FOXP1: variants seen among roughly 807,000 people sequenced by gnomAD.
The protein encoded by FOXP1 is forkhead box protein P1.
In FOXP1, 15 loss-of-function variants were observed where a neutral mutation model predicts 98.2. That is an observed-to-expected ratio of 0.15 (90% confidence interval 0.10 to 0.24). The LOEUF is 0.24. FOXP1 is among the 10% of genes least tolerant of loss of function. FOXP1 has a pLI of 1.00. For missense variants in FOXP1, 633 were observed against 848.5 expected (o/e 0.75, Z 3.15); for synonymous variants, 371 against 314.5 (o/e 1.18, Z -1.90).
intron 7 of FOXP1, among the ~76,000 whole-genome samples, chr3:71,073,143 T>C (rs1351078138): frequency 1.3e-5 from 2 of 152,228 alleles, no homozygotes; most frequent in Non-Finnish European, 2.9e-5. Flanking sequence ...TTGATCTTAA[T>C]TAAATTCAGC....
chr3:71,579,963 A>G (rs1323153425), intron 2 of FOXP1, among the ~76,000 whole-genome samples: 1 of 152,102 alleles, frequency 6.6e-6, no homozygotes, highest in Non-Finnish European at 1.5e-5. Context: ...CTTCCAAGTG[A>G]GCCTTCGCTT....
intron 7 of FOXP1, among the ~76,000 whole-genome samples, chr3:71,105,857 C>T (rs1464097454): frequency 6.6e-6 from 1 of 152,012 alleles, no homozygotes; most frequent in Non-Finnish European, 1.5e-5. Flanking sequence ...AATTGAAATC[C>T]AGATATTTAT....
chr3:71,513,359 T>C (rs2042334056), intron 2 of FOXP1, among the ~76,000 whole-genome samples: 1 of 152,144 alleles, frequency 6.6e-6, no homozygotes, highest in African/African-American at 2.4e-5. Flanking sequence ...GTCTTTCTCT[T>C]AAATTCTACA....
intron 3 of FOXP1, among the ~76,000 whole-genome samples, chr3:71,475,212 C>A (rs145311403): frequency 6.6e-6 from 1 of 152,064 alleles, no homozygotes; most frequent in African/African-American, 2.4e-5. Flanking sequence ...AACCCCATGC[C>A]GTCCTATAAT....
chr3:71,287,293 G>A (rs753047366), intron 5 of FOXP1, among the ~76,000 whole-genome samples: 29 of 152,134 alleles, frequency 1.9e-4, no homozygotes, highest in African/African-American at 4.3e-4. Flanking sequence ...GGAAAATGGC[G>A]AAACCCTGTC....
intron 3 of FOXP1, among the ~76,000 whole-genome samples, chr3:71,430,519 A>C (rs1195788166): frequency 1.3e-5 from 2 of 152,120 alleles, no homozygotes; most frequent in Non-Finnish European, 2.9e-5. Context: ...AAAGAAAAAA[A>C]AAAAACAGGA....
intron 11 of FOXP1, among the ~76,000 whole-genome samples, chr3:71,029,082 T>C (rs541329837): frequency 1.3e-5 from 2 of 152,336 alleles, no homozygotes; most frequent in African/African-American, 4.8e-5. Context: ...TACCAGTCTG[T>C]GAACTGGGGT....
At chr3:71,460,393 C>T (rs1303963591) in intron 3 of FOXP1, among the ~76,000 whole-genome samples, 1 of 151,930 alleles carries the variant, frequency 6.6e-6, no homozygotes, top group East Asian at 1.9e-4. Flanking sequence ...CCACCTACCA[C>T]CATGCCCCGC....
At chr3:71,092,559 G>A (rs2055994092) in intron 7 of FOXP1, among the ~76,000 whole-genome samples, 1 of 152,130 alleles carries the variant, frequency 6.6e-6, no homozygotes, top group South Asian at 2.1e-4. Flanking sequence ...TTAGATGGAA[G>A]GAAACTTTCA....
intron 2 of FOXP1, among the ~76,000 whole-genome samples, chr3:71,514,728 C>T (rs1257021786): frequency 1.3e-5 from 2 of 152,212 alleles, no homozygotes; most frequent in Non-Finnish European, 2.9e-5. Context: ...ATACCCAGCA[C>T]GTACACCACA....
intron 3 of FOXP1, among the ~76,000 whole-genome samples, chr3:71,399,903 G>A (rs1017891448): frequency 1.3e-5 from 2 of 152,094 alleles, no homozygotes; most frequent in Non-Finnish European, 2.9e-5. Context: ...ATTTGAAAAC[G>A]ATGTAGCAAA....
intron 5 of FOXP1, among the ~76,000 whole-genome samples, chr3:71,226,380 C>T (rs2065834560): frequency 6.6e-6 from 1 of 152,144 alleles, no homozygotes; most frequent in Non-Finnish European, 1.5e-5. Context: ...AGAGCATTGC[C>T]TTTTCAGTTT....
intron 3 of FOXP1, among the ~76,000 whole-genome samples, chr3:71,396,765 T>G (rs2081405105): frequency 6.6e-6 from 1 of 150,632 alleles, no homozygotes; most frequent in Admixed American, 6.6e-5. Context: ...CTTCTAAGCG[T>G]CAGGTCTTGT....
intron 7 of FOXP1, among the ~76,000 whole-genome samples, chr3:71,062,372 T>C (rs1255644403): frequency 6.6e-6 from 1 of 152,174 alleles, no homozygotes; most frequent in Non-Finnish European, 1.5e-5. Context: ...CCTGGAAAAA[T>C]ATGAGTTAAT....
At chr3:71,406,423 A>ATATATATATATATATATATATATATATT (rs1351289852) in intron 3 of FOXP1, among the ~76,000 whole-genome samples, 1 of 144,418 alleles carries the variant, frequency 6.9e-6, no homozygotes. Context: ...ATATATATAT[A>ATATATATATATATATATATATATATATT]TGGTACAGTA....
intron 5 of FOXP1, among the ~76,000 whole-genome samples, chr3:71,200,083 CAAAAAAA>C (rs61281811): frequency 2.6e-5 from 2 of 76,110 alleles, no homozygotes; most frequent in South Asian, 1.2e-3. Flanking sequence ...CTCCATCTCA[CAAAAAAA>C]AAAAAAAAAA....
chr3:71,462,531 C>T (rs982181013), intron 3 of FOXP1, among the ~76,000 whole-genome samples: 4 of 152,140 alleles, frequency 2.6e-5, no homozygotes, highest in African/African-American at 7.2e-5. Flanking sequence ...AAGCTCCAGT[C>T]GCCGTTCAAC....
chr3:71,081,724 C>T (rs1398970259), intron 7 of FOXP1, among the ~76,000 whole-genome samples: 1 of 152,192 alleles, frequency 6.6e-6, no homozygotes, highest in Non-Finnish European at 1.5e-5. Context: ...CTAAGTATTA[C>T]TCACCAAAGG....
chr3:71,543,755 T>A (rs2045091297), intron 2 of FOXP1, among the ~76,000 whole-genome samples: 2 of 152,268 alleles, frequency 1.3e-5, no homozygotes, highest in African/African-American at 4.8e-5. Flanking sequence ...CCTCTACTTC[T>A]GTGCCTGGAG....
Sources: allele counts gnomAD v4.1 joint callset (sites outside exome capture counted in the v4.1 genomes callset), GRCh38; gene constraint gnomAD v4.1.1; transcripts MANE v1.5; gene names NCBI Gene and HGNC (gene_info 2026-07-23, HGNC 2026-07-21).